The following OPCML variants were observed in gnomAD, a reference collection of about 807,000 sequenced individuals.
OPCML encodes opioid-binding protein/cell adhesion molecule.
In OPCML, 13 loss-of-function variants were observed where a neutral mutation model predicts 37.8. That is an observed-to-expected ratio of 0.34 (90% confidence interval 0.22 to 0.55). The LOEUF (loss-of-function observed/expected upper bound fraction) is 0.55, where lower values mean the gene tolerates loss of function less well. OPCML is among the 20% of genes least tolerant of loss of function. The pLI, the probability that OPCML is intolerant of heterozygous loss-of-function variation, is 0.91. For missense variants in OPCML, 341 were observed against 435.6 expected (o/e 0.78, Z 1.93); for synonymous variants, 176 against 168.8 (o/e 1.04, Z -0.33).
chr11:132,421,156 T>C (rs2095957546), intron 7 of OPCML, among the ~76,000 whole-genome samples: 1 of 152,112 alleles, frequency 6.6e-6, no homozygotes, highest in African/African-American at 2.4e-5. Flanking sequence ...CAAGGGCAGG[T>C]GTATCTAACT....
chr11:133,063,208 C>T (rs781062536), intron 1 of OPCML, among the ~76,000 whole-genome samples: 1 of 152,152 alleles, frequency 6.6e-6, no homozygotes, highest in Non-Finnish European at 1.5e-5. Flanking sequence ...GTACAGGCTC[C>T]GAGTGAGAAC....
chr11:132,898,725 C>T (rs979341163), intron 2 of OPCML, among the ~76,000 whole-genome samples: 3 of 152,098 alleles, frequency 2.0e-5, no homozygotes, highest in Admixed American at 2.0e-4. Flanking sequence ...AAAGGTTTTG[C>T]TTCCTTTTCC....
chr11:132,751,325 G>GTC (rs1389342170), intron 2 of OPCML, among the ~76,000 whole-genome samples: 2 of 152,140 alleles, frequency 1.3e-5, no homozygotes, highest in South Asian at 2.1e-4. Context: ...ATGCTTCTAA[G>GTC]TCTCTCTAAA....
intron 4 of OPCML, among the ~76,000 whole-genome samples, chr11:132,523,231 A>G (rs944748381): frequency 1.3e-5 from 2 of 152,234 alleles, no homozygotes; most frequent in South Asian, 4.1e-4. Context: ...TAACCTGAAC[A>G]TCTACCAGAG....
At chr11:132,626,128 G>C (rs546115936) in intron 3 of OPCML, among the ~76,000 whole-genome samples, 26 of 151,562 alleles carry the variant, frequency 1.7e-4, no homozygotes, top group African/African-American at 4.4e-4. Flanking sequence ...AATAGATAAA[G>C]CATCTCAGGC....
rs1197248568 is a variant in OPCML at position 132,910,283 on chromosome 11, C to A, written c.146+32643G>T. 2.0e-5 allele frequency among the ~76,000 whole-genome samples: 3 copies of A among 152,226 alleles called. No individual in the cohort carries two copies. The South Asian group carries it at 6.2e-4, about 31-fold the overall frequency. On this transcript the variant is annotated intron_variant, in intron 2 of 7. Coordinates refer to ENST00000524381, the MANE Select transcript of OPCML (RefSeq NM_001012393.5). The stretch of plus-strand genomic sequence containing the variant: ...GTAGGGGGCCTCAGCACATATTCGC[C>A]GGCCATTATGCCCCCACAGGGGCAG...
At chr11:132,479,441 C>A (rs546670433) in intron 4 of OPCML, among the ~76,000 whole-genome samples, 1 of 152,310 alleles carries the variant, frequency 6.6e-6, no homozygotes, top group South Asian at 2.1e-4. Flanking sequence ...AGCAGCGAGG[C>A]TGGGGAAGGG....
intron 1 of OPCML, among the ~76,000 whole-genome samples, chr11:133,041,900 A>G (rs1947905228): frequency 6.6e-6 from 1 of 152,138 alleles, no homozygotes; most frequent in African/African-American, 2.4e-5. Flanking sequence ...AGAAGGCAAC[A>G]CTGTTTGTAT....
intron 1 of OPCML, among the ~76,000 whole-genome samples, chr11:133,527,503 A>G (rs575643068): frequency 6.6e-6 from 1 of 152,332 alleles, no homozygotes; most frequent in South Asian, 2.1e-4. Flanking sequence ...ACTAATTTTC[A>G]TCACTGTGAC....
intron 2 of OPCML, among the ~76,000 whole-genome samples, chr11:132,858,509 G>C (rs189908325): frequency 6.6e-6 from 1 of 152,196 alleles, no homozygotes; most frequent in South Asian, 2.1e-4. Context: ...GGAGTGACCC[G>C]TGTGGAGAGG....
chr11:133,003,847 T>A, intron 1 of OPCML: 3 of 985,294 alleles, frequency 3.0e-6, no homozygotes, highest in Non-Finnish European at 3.6e-6. Flanking sequence ...ATAATGCAGA[T>A]CCTTGCCATC....
intron 1 of OPCML, chr11:133,418,213 G>A: frequency 1.0e-6 from 1 of 985,410 alleles, no homozygotes; most frequent in Non-Finnish European, 1.2e-6. Flanking sequence ...CACCTGATAG[G>A]TGTGGTGATC....
chr11:133,452,364 CT>C (rs1946596497), intron 1 of OPCML, among the ~76,000 whole-genome samples: 1 of 151,456 alleles, frequency 6.6e-6, no homozygotes, highest in African/African-American at 2.4e-5. Context: ...CATTTTATAT[CT>C]TTTAAAAATA....
chr11:132,440,216 G>C (rs1449290713), intron 4 of OPCML, among the ~76,000 whole-genome samples: 8 of 152,198 alleles, frequency 5.3e-5, no homozygotes, highest in Admixed American at 5.2e-4. Context: ...GGAAGAAAAA[G>C]TGCATTTCAT....
intron 1 of OPCML, among the ~76,000 whole-genome samples, chr11:133,351,359 C>A (rs1263928411): frequency 1.3e-5 from 2 of 152,140 alleles, no homozygotes; most frequent in South Asian, 2.1e-4. Context: ...ATCAATGACT[C>A]AATCTTACCA....
At chr11:132,645,349 G>T (rs1941091512) in intron 3 of OPCML, among the ~76,000 whole-genome samples, 1 of 152,184 alleles carries the variant, frequency 6.6e-6, no homozygotes, top group South Asian at 2.1e-4. Context: ...GCTGCCCTTT[G>T]AGATGCTTAT....
At chr11:133,169,726 G>A (rs1366069776) in intron 1 of OPCML, among the ~76,000 whole-genome samples, 1 of 152,102 alleles carries the variant, frequency 6.6e-6, no homozygotes, top group East Asian at 1.9e-4. Context: ...TATCCCCAAG[G>A]GAGTCTGAGA....
intron 1 of OPCML, among the ~76,000 whole-genome samples, chr11:133,379,494 C>G (rs991192800): frequency 6.6e-6 from 1 of 152,188 alleles, no homozygotes; most frequent in Non-Finnish European, 1.5e-5. Context: ...ATTGTCATCA[C>G]TAACTTTTTT....
In OPCML at chr11:133,309,365, T is replaced by A. The variant is rs1248414170; in HGVS notation, c.61+222899A>T. On this transcript the variant is annotated intron_variant, in intron 1 of 7. Coordinates refer to ENST00000524381, the MANE Select transcript of OPCML (RefSeq NM_001012393.5). Reference sequence around the variant, plus strand: ...ATTTATAATCTCATACTAATCATCATGAGAAAACATCAGTTAAATCCCAAT... The same window carrying A: ...ATTTATAATCTCATACTAATCATCAAGAGAAAACATCAGTTAAATCCCAAT... Among the ~76,000 whole-genome samples the A allele has an allele frequency of 2.0e-5, 3 of 152,166 alleles. No individual in the cohort carries two copies. The East Asian group carries it at 5.8e-4, about 29-fold the overall frequency.
Sources: allele counts gnomAD v4.1 joint callset (sites outside exome capture counted in the v4.1 genomes callset), GRCh38; gene constraint gnomAD v4.1.1; transcripts MANE v1.5; gene names NCBI Gene and HGNC (gene_info 2026-07-23, HGNC 2026-07-21).